The following PRTG variants were observed in gnomAD, a reference collection of about 807,000 sequenced individuals.
The protein encoded by PRTG is immunoglobulin superfamily, DCC subclass, member 5.
In PRTG, 67 loss-of-function variants were observed where a neutral mutation model predicts 122.5. The observed-to-expected ratio is 0.55, with a 90% confidence interval of 0.45 to 0.67. The LOEUF (loss-of-function observed/expected upper bound fraction) is 0.67, where lower values mean the gene tolerates loss of function less well. PRTG is among the 30% of genes least tolerant of loss of function. PRTG has a pLI of 0.00. For synonymous variants in PRTG, 554 were observed against 501.1 expected (o/e 1.11, Z -1.41); for missense variants, 1,435 against 1,415.4 (o/e 1.01, Z -0.22).
chr15:55,650,484 G>A (rs965892794), intron 11 of PRTG, among the ~76,000 whole-genome samples: 6 of 152,134 alleles, frequency 3.9e-5, no homozygotes, highest in African/African-American at 1.4e-4. Context: ...CATTCTCCCT[G>A]AGAGAAGTCA....
chr15:55,718,639 AC>A (rs2030695463), intron 2 of PRTG, among the ~76,000 whole-genome samples: 1 of 151,914 alleles, frequency 6.6e-6, no homozygotes. Context: ...AAAAAAAAAA[AC>A]ACTTTGTAAA....
intron 11 of PRTG, among the ~76,000 whole-genome samples, chr15:55,668,958 TTTC>T (rs2059453140): frequency 6.6e-6 from 1 of 152,216 alleles, no homozygotes; most frequent in South Asian, 2.1e-4. Flanking sequence ...TCTTTTAATA[TTTC>T]TTGTTTTAAG....
intron 2 of PRTG, among the ~76,000 whole-genome samples, chr15:55,719,271 A>C (rs2030720850): frequency 6.6e-6 from 1 of 152,228 alleles, no homozygotes; most frequent in African/African-American, 2.4e-5. Flanking sequence ...ATTGTTGCAT[A>C]TGGTATATCA....
At chr15:55,691,393 T>C (rs66810538) in intron 2 of PRTG, among the ~76,000 whole-genome samples, 4,391 of 151,604 alleles carry the variant, frequency 0.029, 88 homozygotes, top group Middle Eastern at 0.1. Flanking sequence ...GGTAAGAATA[T>C]GTGTTAAGGC....
intron 4 of PRTG, among the ~76,000 whole-genome samples, chr15:55,682,085 C>A (rs1247709255): frequency 6.6e-6 from 1 of 151,984 alleles, no homozygotes; most frequent in East Asian, 1.9e-4. Flanking sequence ...CTATGAGAGA[C>A]CTGAGCATCA....
intron 16 of PRTG, among the ~76,000 whole-genome samples, chr15:55,628,167 CCCTTAAT>C (rs749669201): frequency 6.6e-6 from 1 of 152,110 alleles, no homozygotes; most frequent in Non-Finnish European, 1.5e-5. Flanking sequence ...AAGCTACGAG[CCCTTAAT>C]CCTGCCCTGA....
chr15:55,675,295 T>C (rs2059496069), intron 9 of PRTG, among the ~76,000 whole-genome samples: 1 of 152,064 alleles, frequency 6.6e-6, no homozygotes, highest in African/African-American at 2.4e-5. Flanking sequence ...TTTGAAGAAA[T>C]ACAATGGGAA....
Position 55,620,511 on chromosome 15 carries a change from C to T in PRTG, c.3198+152G>A, listed in dbSNP as rs1267050605. 2.4e-6 allele frequency: 3 copies of T among 1,237,066 alleles called. No individual in the cohort carries two copies. The African/African-American group carries it at 4.8e-5, about 20-fold the overall frequency. The allele number at this position is 1,237,066 out of a possible 1,614,324, so 76.6% of individuals were successfully genotyped here. Reference sequence around the variant, plus strand: ...CCAACTTCTGTTATCATTCACCTCGCTCTCCACAGAGCCATGCCCCAAATT... The same window carrying T: ...CCAACTTCTGTTATCATTCACCTCGTTCTCCACAGAGCCATGCCCCAAATT... On this transcript the variant is annotated intron_variant, in intron 19 of 19. Coordinates refer to ENST00000389286, the MANE Select transcript of PRTG (RefSeq NM_173814.6).
At position 55,685,847 on chromosome 15, in the gene PRTG, G is replaced by A. The variant is rs993269709; in HGVS notation, c.398-1916C>T. ...CTTAGAATATCAAACTCTAAAAATC[G>A]ATATCATGAATCTATGTTGCTGATC... On this transcript the variant is annotated intron_variant, in intron 2 of 19. Transcript: ENST00000389286. Among the ~76,000 whole-genome samples, 6 of 152,074 alleles carry A rather than the reference G, an allele frequency of 3.9e-5. 1 individual carries two copies. Among genetic ancestry groups the A allele is most frequent in the Admixed American group, 3.3e-4 (5 of 15,264 alleles).
chr15:55,690,921 G>A (rs1304988672), intron 2 of PRTG, among the ~76,000 whole-genome samples: 1 of 152,214 alleles, frequency 6.6e-6, no homozygotes, highest in Non-Finnish European at 1.5e-5. Flanking sequence ...CAGCTAGTAA[G>A]TGGTGATACT....
At chr15:55,684,585 G>C (rs931023827) in intron 2 of PRTG, among the ~76,000 whole-genome samples, 1 of 152,116 alleles carries the variant, frequency 6.6e-6, no homozygotes, top group African/African-American at 2.4e-5. Flanking sequence ...CTGAGCAAAG[G>C]CATGTCCTGA....
At chr15:55,729,979 T>C (rs1448562095) in intron 2 of PRTG, among the ~76,000 whole-genome samples, 3 of 152,222 alleles carry the variant, frequency 2.0e-5, no homozygotes, top group Non-Finnish European at 4.4e-5. Flanking sequence ...GCATTAGCAA[T>C]TTATTTTAAA....
intron 2 of PRTG, among the ~76,000 whole-genome samples, chr15:55,709,731 C>G (rs1437189655): frequency 6.6e-6 from 1 of 152,112 alleles, no homozygotes; most frequent in East Asian, 1.9e-4. Context: ...GAATGAATCT[C>G]AAAACATTTA....
chr15:55,740,643 GTGGTTCT>G lies in PRTG; in HGVS notation c.129_135del (p.Lys43AsnfsTer4). 1.9e-6 allele frequency: 3 copies of G among 1,613,858 alleles called. No homozygotes were observed. The highest frequency in any genetic ancestry group is 2.5e-6 in the Non-Finnish European group (3 of 1,179,958). The stretch of plus-strand genomic sequence containing the variant: ...TCCTTTCTTGTGACAGTTACATCCT[GTGGTTCT>G]TTTACAAAAGACAGTTCGCTAAAGC... On this transcript the variant is annotated frameshift_variant, in exon 2 of 20. Coordinates refer to ENST00000389286, the MANE Select transcript of PRTG (RefSeq NM_173814.6). LOFTEE classifies it high-confidence loss of function.
intron 1 of PRTG, among the ~76,000 whole-genome samples, chr15:55,741,250 A>G (rs1431228336): frequency 1.3e-5 from 2 of 152,246 alleles, no homozygotes; most frequent in Non-Finnish European, 2.9e-5. Context: ...CCTTGAAAGA[A>G]ATCCATTTAC....
Position 55,743,122 on chromosome 15 carries a change from A to C in PRTG, c.-191T>G, listed in dbSNP as rs1304104383. The C allele has an allele frequency of 2.4e-6, 3 of 1,268,270 alleles. No individual in the cohort carries two copies. The East Asian group carries it at 1.0e-4, about 42-fold the overall frequency. The allele number at this position is 1,268,270 out of a possible 1,614,324, so 78.6% of individuals were successfully genotyped here. A position where few individuals can be genotyped will look rare whatever the true frequency, so the allele number is the denominator to read the frequency against. ...CTCGGACGGCCGCTCGCGAGAAGCA[A>C]GGGGCCTGAGAGTCCGGCTGGGGGC... is the stretch of plus-strand genomic sequence containing the variant. On this transcript the variant is annotated 5_prime_UTR_variant, in exon 1 of 20. Transcript: ENST00000389286.
Position 55,611,993 on chromosome 15 carries a change from T to C in PRTG, c.*8019A>G, listed in dbSNP as rs1020172298. On this transcript the variant is annotated 3_prime_UTR_variant, in exon 20 of 20. Coordinates refer to ENST00000389286, the MANE Select transcript of PRTG (RefSeq NM_173814.6). ...AATTTAACTGGCTCCCACACTTTCATTTAATTCACATCTTTGAAGAAAATA... is the reference window on the plus strand; with the variant it reads ...AATTTAACTGGCTCCCACACTTTCACTTAATTCACATCTTTGAAGAAAATA... 17 of 148,008 alleles carry C rather than the reference T, an allele frequency of 1.1e-4. No homozygotes were observed. The highest frequency in any genetic ancestry group is 4.0e-4 in the African/African-American group (16 of 40,228). The allele number at this position is 148,008 out of a possible 1,614,324, so 9.2% of individuals were successfully genotyped here.
intron 11 of PRTG, among the ~76,000 whole-genome samples, chr15:55,651,368 T>C (rs1402121250): frequency 6.6e-6 from 1 of 152,160 alleles, no homozygotes; most frequent in Non-Finnish European, 1.5e-5. Context: ...TAATTTTACT[T>C]TAAGGAGAAC....
chr15:55,743,050 G>A lies in PRTG; in HGVS notation c.-119C>T, dbSNP rs189144879. The A allele has an allele frequency of 1.4e-3, 1,804 of 1,308,292 alleles. 16 individuals are homozygous for A. In the African/African-American group the frequency reaches 0.025, roughly 18 times the overall value. The allele number at this position is 1,308,292 out of a possible 1,614,324, so 81.0% of individuals were successfully genotyped here. ...GCACGCAGCCTGGCTCCCCGCTCCGGCTCCGGCACCGGCGTGGCGAGCGTC... is the reference window on the plus strand; with the variant it reads ...GCACGCAGCCTGGCTCCCCGCTCCGACTCCGGCACCGGCGTGGCGAGCGTC... On this transcript the variant is annotated 5_prime_UTR_variant, in exon 1 of 20. Coordinates refer to ENST00000389286, the MANE Select transcript of PRTG (RefSeq NM_173814.6).
Sources: gnomAD v4.1 joint callset for allele counts (sites outside exome capture counted in the v4.1 genomes callset) on GRCh38, gnomAD v4.1.1 for gene constraint, MANE v1.5 for transcripts, NCBI Gene and HGNC (gene_info 2026-07-23, HGNC 2026-07-21) for gene names.